LRRC37A2: variants seen among roughly 807,000 people sequenced by gnomAD.
The protein encoded by LRRC37A2 is leucine-rich repeat-containing protein 37A2.
In LRRC37A2, 9 loss-of-function variants were observed where a neutral mutation model predicts 68.8. The ratio of observed to expected loss-of-function variants is 0.13; its 90% CI spans 0.08 to 0.23. The LOEUF is 0.23. Ranked by LOEUF, LRRC37A2 falls within the 10% of genes least tolerant of loss-of-function variation. LRRC37A2 has a pLI of 1.00. For synonymous variants in LRRC37A2, 63 were observed against 367.6 expected (o/e 0.17, Z 9.48); for missense variants, 168 against 950.4 (o/e 0.18, Z 10.82).
chr17:46,862,579 G>GTTTGT, the LRRC37A2 span, among the ~76,000 whole-genome samples: 1 of 152,034 alleles, frequency 6.6e-6, no homozygotes, highest in Non-Finnish European at 1.5e-5. Context: ...AGTTTTTTTT[G>GTTTGT]TTTGTTTTGT....
chr17:46,885,146 G>A, the LRRC37A2 span: 3 of 368,922 alleles, frequency 8.1e-6, no homozygotes, highest in Admixed American at 3.7e-5. Flanking sequence ...GCACCACCAC[G>A]CCTGACTAAT....
the LRRC37A2 span, among the ~76,000 whole-genome samples, chr17:46,703,747 A>G: frequency 6.6e-6 from 1 of 150,522 alleles, no homozygotes; most frequent in African/African-American, 2.4e-5. Flanking sequence ...AACCATTTTA[A>G]ATGTACAATT....
At chr17:46,833,330 T>C in the LRRC37A2 span, 3 of 516,516 alleles carry the variant, frequency 5.8e-6, no homozygotes, top group Admixed American at 5.9e-5. Context: ...TTTCTGTTGC[T>C]TCTTGTATCA....
the LRRC37A2 span, among the ~76,000 whole-genome samples, chr17:46,839,943 TC>T: frequency 6.7e-6 from 1 of 149,708 alleles, no homozygotes; most frequent in African/African-American, 2.5e-5. Context: ...TTTCTTTCTT[TC>T]TTTCTTTCTT....
At chr17:47,023,965 G>A in the LRRC37A2 span, among the ~76,000 whole-genome samples, 3 of 152,190 alleles carry the variant, frequency 2.0e-5, no homozygotes, top group South Asian at 2.1e-4. Flanking sequence ...GGGTTAGAGA[G>A]AGGGATATGA....
Position 46,549,060 on chromosome 17 carries a change from T to G in LRRC37A2, c.3921T>G (p.Phe1307Leu), listed in dbSNP as rs1222446414. The G allele has an allele frequency of 1.2e-6, 2 of 1,612,028 alleles. No individual in the cohort carries two copies. Among genetic ancestry groups the G allele is most frequent in the African/African-American group, 2.7e-5 (2 of 73,498 alleles). Residue 1307 changes from phenylalanine to leucine, a missense_variant, in exon 10 of 15, where the codon TTT (phenylalanine) becomes TTG (leucine). Physicochemically the swap from Phe to Leu is conservative, Grantham distance 22. Coordinates refer to ENST00000576629, the Ensembl canonical transcript of LRRC37A2. ...TACATGCCAGAAAAAAATACCGCTT[T>G]CACAAAACTCGCTCCCACGTGACCC...
chr17:46,499,305 C>A, the LRRC37A2 span, among the ~76,000 whole-genome samples: 1 of 105,674 alleles, frequency 9.5e-6, no homozygotes, highest in Non-Finnish European at 1.7e-5. Context: ...GAGCAAGACT[C>A]CAGCTCAAAA....
chr17:46,610,722 TG>T, the LRRC37A2 span, among the ~76,000 whole-genome samples: 1 of 60,910 alleles, frequency 1.6e-5, no homozygotes, highest in African/African-American at 1.4e-4. Context: ...CACAACCTTA[TG>T]AGTTGGCACT....
chr17:46,622,244 TCA>T, the LRRC37A2 span, among the ~76,000 whole-genome samples: 6 of 142,870 alleles, frequency 4.2e-5, no homozygotes, highest in Non-Finnish European at 4.5e-5. Context: ...GATCACAAGG[TCA>T]GGAGATCGAG....
chr17:46,675,649 C>A, the LRRC37A2 span, among the ~76,000 whole-genome samples: 12 of 136,772 alleles, frequency 8.8e-5, 2 homozygotes, highest in African/African-American at 3.2e-4. Flanking sequence ...CACACACACA[C>A]ACACACACAC....
chr17:46,882,393 C>T, the LRRC37A2 span, among the ~76,000 whole-genome samples: 2 of 152,190 alleles, frequency 1.3e-5, no homozygotes, highest in Non-Finnish European at 2.9e-5. Context: ...TCAGGTTAAA[C>T]ATTTTGGCAA....
chr17:46,985,290 G>A, the LRRC37A2 span, among the ~76,000 whole-genome samples: 1 of 152,134 alleles, frequency 6.6e-6, no homozygotes, highest in Admixed American at 6.6e-5. Context: ...GGAGGCTGAG[G>A]CAGGTGGATC....
At chr17:46,900,202 T>TATATATACAC in the LRRC37A2 span, among the ~76,000 whole-genome samples, 2 of 101,166 alleles carry the variant, frequency 2.0e-5, no homozygotes, top group East Asian at 2.8e-4. Flanking sequence ...TATATATATA[T>TATATATACAC]ACACACACAC....
chr17:46,737,570 T>C, the LRRC37A2 span, among the ~76,000 whole-genome samples: 12 of 94,028 alleles, frequency 1.3e-4, no homozygotes, highest in Middle Eastern at 4.5e-3. Flanking sequence ...AGGGTGTGTG[T>C]GCGTGTGTGT....
chr17:46,738,102 C>T, the LRRC37A2 span, among the ~76,000 whole-genome samples: 19 of 151,758 alleles, frequency 1.3e-4, no homozygotes, highest in Non-Finnish European at 2.9e-5. Flanking sequence ...CCTGACTAAT[C>T]TTTATATTTT....
chr17:46,953,126 C>G, the LRRC37A2 span, among the ~76,000 whole-genome samples: 1 of 151,676 alleles, frequency 6.6e-6, no homozygotes, highest in Admixed American at 6.6e-5. Flanking sequence ...ATACATGTGC[C>G]ATGTTGGTGT....
the LRRC37A2 span, among the ~76,000 whole-genome samples, chr17:47,045,692 C>T: frequency 1.4e-5 from 2 of 147,398 alleles, no homozygotes; most frequent in Non-Finnish European, 1.5e-5. Flanking sequence ...CCCAAATTTA[C>T]GTATTGAAAA....
chr17:46,796,134 T>C, the LRRC37A2 span, among the ~76,000 whole-genome samples: 1 of 152,324 alleles, frequency 6.6e-6, no homozygotes, highest in African/African-American at 2.4e-5. Flanking sequence ...CTGATCTTAT[T>C]GCTACCACCC....
chr17:46,995,791 A>G, the LRRC37A2 span, among the ~76,000 whole-genome samples: 1 of 152,218 alleles, frequency 6.6e-6, no homozygotes, highest in South Asian at 2.1e-4. Context: ...GAGGGTTTTC[A>G]TTCTTCTCAA....
Sources: allele counts gnomAD v4.1 joint callset (sites outside exome capture counted in the v4.1 genomes callset), GRCh38; gene constraint gnomAD v4.1.1; transcripts MANE v1.5; gene names NCBI Gene and HGNC (gene_info 2026-07-23, HGNC 2026-07-21).